CCDC25: variants seen among roughly 807,000 people sequenced by gnomAD.
CCDC25 encodes coiled-coil domain containing 25, also known as coiled-coil domain-containing protein 25.
A neutral mutation model predicts 35.3 loss-of-function variants in CCDC25; 16 were observed. That is an observed-to-expected ratio of 0.45 (90% CI 0.31 to 0.69). The LOEUF (loss-of-function observed/expected upper bound fraction) is 0.69. CCDC25 is among the 30% of genes least tolerant of loss of function. The pLI, the probability that CCDC25 is intolerant of heterozygous loss-of-function variation, is 0.06. For synonymous variants in CCDC25, 79 were observed against 80.3 expected (o/e 0.98, Z 0.09); for missense variants, 179 against 250.7 (o/e 0.71, Z 1.93).
chr8:27,740,273 T>C (rs181419657), intron 8 of CCDC25, among the ~76,000 whole-genome samples, 199 bp downstream of exon 8: 1 of 152,326 alleles, frequency 6.6e-6, no homozygotes, highest in African/African-American at 2.4e-5. Flanking sequence ...TGAGATGACC[T>C]ACTTAACAAC....
chr8:27,760,668 G>A lies in CCDC25; in HGVS notation c.116+1751C>T, dbSNP rs933048694. ...TGTCCTCATACAGCTTACTGTCTCA[G>A]GCCCTAGGAAGGCGGGCAGCCCCAG... On this transcript the variant is annotated intron_variant, in intron 3 of 8. Transcript: ENST00000356537. Among the ~76,000 whole-genome samples, 3 of 152,190 alleles carry A rather than the reference G, an allele frequency of 2.0e-5. No individual in the cohort carries two copies. In the East Asian group the frequency reaches 5.8e-4, roughly 29 times the overall value.
chr8:27,770,748 AAAAAAAC>A (rs1804576091), intron 1 of CCDC25, among the ~76,000 whole-genome samples: 3 of 152,100 alleles, frequency 2.0e-5, no homozygotes, highest in African/African-American at 4.8e-5. Flanking sequence ...TCCAAAAAAA[AAAAAAAC>A]AAAAACAAAA....
chr8:27,766,505 A>G (rs867240009), intron 1 of CCDC25, among the ~76,000 whole-genome samples: 4 of 152,182 alleles, frequency 2.6e-5, no homozygotes, highest in African/African-American at 9.7e-5. Flanking sequence ...GAATGTGTGC[A>G]TCGCCAAGTT....
At chr8:27,739,964 G>A (rs1390648382) in intron 8 of CCDC25, among the ~76,000 whole-genome samples, 2 of 152,092 alleles carry the variant, frequency 1.3e-5, no homozygotes, top group African/African-American at 4.8e-5. Flanking sequence ...CTATGTCATA[G>A]GTCACCATCT....
At chr8:27,749,174 G>A (rs935149036) in intron 5 of CCDC25, among the ~76,000 whole-genome samples, 11 of 152,166 alleles carry the variant, frequency 7.2e-5, no homozygotes, top group Non-Finnish European at 1.5e-4. Context: ...AAGCAGAGGC[G>A]CTCTGGATGG....
intron 3 of CCDC25, among the ~76,000 whole-genome samples, chr8:27,758,028 C>T (rs1292713037): frequency 1.3e-5 from 2 of 152,180 alleles, no homozygotes; most frequent in African/African-American, 4.8e-5. Flanking sequence ...ACAGACACTG[C>T]CATGCTTCCT....
chr8:27,764,512 C>T (rs1009156820), intron 2 of CCDC25: 4 of 361,946 alleles, frequency 1.1e-5, no homozygotes, highest in South Asian at 6.0e-5. Context: ...CTCCTGGGCT[C>T]AAGTGATCCT....
chr8:27,759,210 G>A (rs990266096), intron 3 of CCDC25, among the ~76,000 whole-genome samples: 9 of 152,174 alleles, frequency 5.9e-5, no homozygotes, highest in Non-Finnish European at 2.9e-5. Context: ...CAGGGCCCTG[G>A]AGCTGGGCTG....
rs1803166686 is a variant in CCDC25, at chr8:27,734,939, CTG to C, written c.*1275_*1276del. 1 of 152,156 alleles carries C rather than the reference CTG, an allele frequency of 6.6e-6. No individual in the cohort carries two copies. The highest frequency in any genetic ancestry group is 6.5e-5 in the Admixed American group (1 of 15,278). The allele number at this position is 152,156 out of a possible 1,614,324, so 9.4% of individuals were successfully genotyped here. A position where few individuals can be genotyped will look rare whatever the true frequency, so the allele number is the denominator to read the frequency against. ...ATAGCCCCGTACAGAACCTGTCAGACTGAGCCTATGATGAATGAGGTTTTTTA... is the reference window on the plus strand; with the variant it reads ...ATAGCCCCGTACAGAACCTGTCAGACAGCCTATGATGAATGAGGTTTTTTA... On this transcript the variant is annotated 3_prime_UTR_variant, in exon 9 of 9. Transcript: ENST00000356537.
At chr8:27,753,938 A>G (rs1326393087) in intron 4 of CCDC25, among the ~76,000 whole-genome samples, 1 of 152,218 alleles carries the variant, frequency 6.6e-6, no homozygotes, top group Non-Finnish European at 1.5e-5. Flanking sequence ...GTAGCATCTT[A>G]TATTCATCAA....
rs746913601 is a variant in CCDC25, at chr8:27,752,566, G to A, written c.190C>T (p.Pro64Ser). 3 of 1,613,280 alleles carry A rather than the reference G, an allele frequency of 1.9e-6. No homozygotes were observed. In the Admixed American group the frequency reaches 5.0e-5, roughly 27 times the overall value. ...LHKGENIEDI[P>S]KEVLMDCAHL... is the part of the protein sequence containing the mutation. ...GCACAGTCCATCAGCACTTCCTTTGGGATGTCTTCTATATTCTCTCCCTGA... is the reference window on the plus strand; with the variant it reads ...GCACAGTCCATCAGCACTTCCTTTGAGATGTCTTCTATATTCTCTCCCTGA... Residue 64 changes from proline to serine, a missense_variant, in exon 5 of 9, where the codon CCA becomes TCA. Physicochemically the swap from Pro to Ser is moderately conservative, Grantham distance 74 (BLOSUM62 -1). Transcript: ENST00000356537.
chr8:27,758,572 C>G (rs2446777), intron 3 of CCDC25, among the ~76,000 whole-genome samples: 1 of 152,282 alleles, frequency 6.6e-6, no homozygotes, highest in East Asian at 1.9e-4. Context: ...CCAGAAAAAC[C>G]TGTGCTTTTT....
chr8:27,740,487 A>G lies in CCDC25; in HGVS notation c.582T>C (p.Asn194=). The G allele has an allele frequency of 6.2e-7, 1 of 1,612,764 alleles. No individual in the cohort carries two copies. The highest frequency in any genetic ancestry group is 8.5e-7 in the Non-Finnish European group (1 of 1,179,554). ...RSYSSLMKVE[N]MSSNQDGNDS... is the part of the protein sequence containing the mutation. The stretch of plus-strand genomic sequence containing the variant: ...TTGAACATACCTGATTTGAAGACAT[A>G]TTTTCAACTTTCATTAGTGATGAAT... Residue 194 remains asparagine, a synonymous_variant, in exon 8 of 9, where the codon AAT becomes AAC. Transcript: ENST00000356537.
At chr8:27,770,989 T>C (rs1804590471) in intron 1 of CCDC25, among the ~76,000 whole-genome samples, 5 of 152,178 alleles carry the variant, frequency 3.3e-5, no homozygotes, top group Admixed American at 1.3e-4. Context: ...GAATTCCATA[T>C]ATAAAGGGAC....
intron 1 of CCDC25, among the ~76,000 whole-genome samples, chr8:27,767,310 G>A (rs1028061332): frequency 5.3e-5 from 8 of 152,156 alleles, no homozygotes; most frequent in Non-Finnish European, 8.8e-5. Flanking sequence ...AGGTTGCAGC[G>A]AGCCAAGATC....
intron 1 of CCDC25, 67 bp downstream of exon 1, chr8:27,772,446 G>T (rs1411240250): frequency 4.0e-6 from 6 of 1,483,404 alleles, no homozygotes; most frequent in East Asian, 2.5e-5. Context: ...GCGCAGCGGC[G>T]GACTGCGGGT....
chr8:27,752,404 T>G (rs145987297), intron 5 of CCDC25, 108 bp downstream of exon 5: 37 of 816,222 alleles, frequency 4.5e-5, no homozygotes, highest in Non-Finnish European at 6.7e-5. Context: ...CAGCACATGT[T>G]ATTCTTTGAT....
intron 4 of CCDC25, chr8:27,754,680 T>C (rs1803936436): frequency 6.6e-6 from 1 of 152,108 alleles, no homozygotes; most frequent in Non-Finnish European, 1.5e-5. Flanking sequence ...TTATTTTCTG[T>C]AGTGACAGGG....
At chr8:27,760,738 A>G (rs1204006411) in intron 3 of CCDC25, among the ~76,000 whole-genome samples, 1 of 152,194 alleles carries the variant, frequency 6.6e-6, no homozygotes, top group East Asian at 1.9e-4. Flanking sequence ...GAGGCAAAAG[A>G]GCACCAAGCA....
Sources: allele counts gnomAD v4.1 joint callset (sites outside exome capture counted in the v4.1 genomes callset), GRCh38; gene constraint gnomAD v4.1.1; transcripts MANE v1.5; gene names NCBI Gene and HGNC (gene_info 2026-07-23, HGNC 2026-07-21).